GALNT11: variants seen among roughly 807,000 people sequenced by gnomAD.
GALNT11 encodes the protein polypeptide N-acetylgalactosaminyltransferase 11, also known as UDP-GalNAc:polypeptide N-acetylgalactosaminyltransferase 11.
GALNT11 carries 47 observed loss-of-function variants against 72.7 expected under a neutral mutation model. That is an observed-to-expected ratio of 0.65 (90% CI 0.51 to 0.82). The LOEUF (loss-of-function observed/expected upper bound fraction) is 0.82. Among genes scored for constraint, GALNT11 ranks in the 40% least tolerant of loss-of-function variants. The pLI, the probability that GALNT11 is intolerant of heterozygous loss-of-function variation, is 0.00. For missense variants in GALNT11, 677 were observed against 778.4 expected (o/e 0.87, Z 1.55); for synonymous variants, 270 against 286.6 (o/e 0.94, Z 0.58).
intron 1 of GALNT11, among the ~76,000 whole-genome samples, chr7:152,072,957 G>T (rs1281767089): frequency 6.6e-6 from 1 of 152,108 alleles, no homozygotes; most frequent in Non-Finnish European, 1.5e-5. Context: ...CGACATCGGG[G>T]AATAAGCATT....
At chr7:152,056,544 T>C (rs1437938607) in intron 1 of GALNT11, among the ~76,000 whole-genome samples, 1 of 152,232 alleles carries the variant, frequency 6.6e-6, no homozygotes, top group Non-Finnish European at 1.5e-5. Context: ...CACACCCTTC[T>C]ACACACATGT....
rs759486659 is a variant in GALNT11 at position 152,118,682 on chromosome 7, A to T, written c.1457A>T (p.Tyr486Phe). The T allele has an allele frequency of 1.2e-5, 20 of 1,609,026 alleles. No homozygotes were observed. Among genetic ancestry groups the T allele is most frequent in the Middle Eastern group, 3.3e-4 (2 of 6,046 alleles). ...GAGCTGTGCCTTCTCTTACAGCTCT[A>T]TCACCTCCAGACCAACAAATGCCTG... Reference protein sequence around the residue: ...RPKVLQRGRLYHLQTNKCLVA... With the variant: ...RPKVLQRGRLFHLQTNKCLVA... Residue 486 changes from tyrosine (Y) to phenylalanine (F), a missense_variant, in exon 10 of 12, where the codon TAT becomes TTT. Coordinates refer to ENST00000430044, the MANE Select transcript of GALNT11 (RefSeq NM_022087.4).
rs139619437 is a variant in GALNT11, at chr7:152,113,254, G to A, written c.1089G>A (p.Met363Ile). Residue 363 changes from methionine (M) to isoleucine (I), a missense_variant, in exon 8 of 12, where the codon ATG (methionine) becomes ATA (isoleucine). Physicochemically the swap from Met to Ile is conservative, Grantham distance 10. Transcript: ENST00000430044. ...ENLEISFRIW[M>I]CGGKLFIIPC... ...TTTTTGCTTCTGGCCAGATCTGGAT[G>A]TGTGGCGGTAAGCTCTTCATCATCC... The A allele has an allele frequency of 1.1e-5, 17 of 1,612,956 alleles. No individual in the cohort carries two copies. The highest frequency in any genetic ancestry group is 1.4e-5 in the Non-Finnish European group (17 of 1,179,546).
intron 1 of GALNT11, among the ~76,000 whole-genome samples, chr7:152,040,993 A>G (rs1163177130): frequency 6.6e-6 from 1 of 152,112 alleles, no homozygotes; most frequent in Non-Finnish European, 1.5e-5. Flanking sequence ...CAGCTTCTCG[A>G]TCTGTCCCCA....
intron 1 of GALNT11, among the ~76,000 whole-genome samples, chr7:152,042,465 A>C (rs2082909995): frequency 1.3e-5 from 2 of 152,164 alleles, no homozygotes; most frequent in South Asian, 4.1e-4. Context: ...TAAAGCCTCC[A>C]GTTTCTCTTT....
intron 1 of GALNT11, among the ~76,000 whole-genome samples, chr7:152,036,147 G>T (rs1450721303): frequency 6.6e-6 from 1 of 151,906 alleles, no homozygotes; most frequent in East Asian, 1.9e-4. Context: ...ATAAAGTTTT[G>T]TTGACTGTAG....
chr7:152,081,391 A>G (rs2085315782), intron 1 of GALNT11, among the ~76,000 whole-genome samples: 1 of 152,216 alleles, frequency 6.6e-6, no homozygotes, highest in South Asian at 2.1e-4. Flanking sequence ...CCTCAGGCTA[A>G]TCTGATGATG....
intron 1 of GALNT11, among the ~76,000 whole-genome samples, chr7:152,087,819 A>G (rs1207854899): frequency 6.6e-6 from 1 of 152,194 alleles, no homozygotes; most frequent in Non-Finnish European, 1.5e-5. Context: ...ACCTTGTGTA[A>G]TTCTGAGTAT....
At chr7:152,040,760 C>T (rs994122795) in intron 1 of GALNT11, among the ~76,000 whole-genome samples, 1 of 152,166 alleles carries the variant, frequency 6.6e-6, no homozygotes, top group Non-Finnish European at 1.5e-5. Flanking sequence ...GCAGTCAATA[C>T]CTCAATTACA....
At chr7:152,037,428 T>C (rs1238608476) in intron 1 of GALNT11, among the ~76,000 whole-genome samples, 1 of 152,214 alleles carries the variant, frequency 6.6e-6, no homozygotes, top group African/African-American at 2.4e-5. Flanking sequence ...TGTGTGTCTG[T>C]TTTTATGCTG....
intron 1 of GALNT11, among the ~76,000 whole-genome samples, chr7:152,076,993 G>A (rs1347007392): frequency 2.6e-5 from 4 of 152,218 alleles, no homozygotes; most frequent in Admixed American, 2.0e-4. Flanking sequence ...TTGGGTGGAT[G>A]AGGTGAGGAT....
At chr7:152,044,741 A>G (rs1024994241) in intron 1 of GALNT11, among the ~76,000 whole-genome samples, 8 of 152,112 alleles carry the variant, frequency 5.3e-5, no homozygotes, top group African/African-American at 1.9e-4. Context: ...AAACAAGGGT[A>G]CTTTGACTTC....
intron 1 of GALNT11, among the ~76,000 whole-genome samples, chr7:152,050,871 G>A (rs983659698): frequency 6.6e-6 from 1 of 152,100 alleles, no homozygotes; most frequent in East Asian, 1.9e-4. Flanking sequence ...GCTGAATTCT[G>A]CCCCCTTTTG....
At chr7:152,085,817 G>A (rs1443706166) in intron 1 of GALNT11, among the ~76,000 whole-genome samples, 3 of 152,014 alleles carry the variant, frequency 2.0e-5, no homozygotes, top group Non-Finnish European at 4.4e-5. Flanking sequence ...GGGTTCAAGC[G>A]ATGCTCAGAA....
chr7:152,108,801 T>G (rs1367946295), intron 6 of GALNT11, among the ~76,000 whole-genome samples: 1 of 152,226 alleles, frequency 6.6e-6, no homozygotes, highest in Non-Finnish European at 1.5e-5. Context: ...GCTGCTCTTA[T>G]TTTTGTTTTC....
intron 1 of GALNT11, among the ~76,000 whole-genome samples, chr7:152,030,993 G>T (rs978305811): frequency 7.2e-5 from 11 of 152,210 alleles, no homozygotes; most frequent in African/African-American, 2.7e-4. Flanking sequence ...GTATTTAATG[G>T]GGGTTCCCCC....
At chr7:152,102,090 A>C (rs1010896886) in intron 3 of GALNT11, among the ~76,000 whole-genome samples, 1 of 152,230 alleles carries the variant, frequency 6.6e-6, no homozygotes, top group Non-Finnish European at 1.5e-5. Flanking sequence ...AATTTCAAAT[A>C]TAAAGTCTTA....
At chr7:152,062,236 T>A (rs1421442703) in intron 1 of GALNT11, among the ~76,000 whole-genome samples, 1 of 152,202 alleles carries the variant, frequency 6.6e-6, no homozygotes, top group African/African-American at 2.4e-5. Flanking sequence ...TTTGAAGCAA[T>A]TGTGAATGGG....
intron 1 of GALNT11, among the ~76,000 whole-genome samples, chr7:152,086,111 C>CT (rs772035038): frequency 1.3e-5 from 2 of 152,030 alleles, no homozygotes; most frequent in South Asian, 2.1e-4. Context: ...TGGTTTCAAT[C>CT]TCCTGACCTC....
Sources: gnomAD v4.1 joint callset for allele counts (sites outside exome capture counted in the v4.1 genomes callset) on GRCh38, gnomAD v4.1.1 for gene constraint, MANE v1.5 for transcripts, NCBI Gene and HGNC (gene_info 2026-07-23, HGNC 2026-07-21) for gene names.